ISOC1: variants seen among roughly 807,000 people sequenced by gnomAD.
The protein encoded by ISOC1 is isochorismatase domain-containing protein 1.
In ISOC1, 33 loss-of-function variants were observed where a neutral mutation model predicts 30.0. The ratio of observed to expected loss-of-function variants is 1.10; its 90% CI spans 0.83 to 1.47. ISOC1 has a LOEUF of 1.47. Among genes scored for constraint, ISOC1 ranks in the 40% most tolerant of loss-of-function variants. The probability of loss-of-function intolerance (pLI) is 0.00; values close to 1 mark genes in which losing one functional copy is unlikely to be tolerated. For synonymous variants in ISOC1, 178 were observed against 159.8 expected (o/e 1.11, Z -0.86); for missense variants, 372 against 388.0 (o/e 0.96, Z 0.35).
Position 129,108,510 on chromosome 5 carries a change from C to CTT in ISOC1, c.750+1461_750+1462dup, listed in dbSNP as rs561317009. Among the ~76,000 whole-genome samples the CTT allele has an allele frequency of 1.1e-3, 154 of 144,122 alleles. 2 individuals are homozygous for CTT. The highest frequency in any genetic ancestry group is 3.7e-3 in the African/African-American group (148 of 39,528). The allele number at this position is 144,122 out of a possible 152,430, so 94.5% of individuals were successfully genotyped here. A position where few individuals can be genotyped will look rare whatever the true frequency, so the allele number is the denominator to read the frequency against. On this transcript the variant is annotated intron_variant, in intron 4 of 4. Coordinates refer to ENST00000173527, the MANE Select transcript of ISOC1 (RefSeq NM_016048.2). ...CTCAACAAAGACCTTTAATCCATTT[C>CTT]TTTTTTTTTTTTTTGAGAGATGGAG...
chr5:129,111,643 G>A (rs1232965605), intron 4 of ISOC1, among the ~76,000 whole-genome samples: 1 of 151,816 alleles, frequency 6.6e-6, no homozygotes, highest in Non-Finnish European at 1.5e-5. Flanking sequence ...TGGGATTTCT[G>A]ATAACACATA....
intron 1 of ISOC1, among the ~76,000 whole-genome samples, chr5:129,096,055 T>C (rs1753496393): frequency 6.6e-6 from 1 of 152,232 alleles, no homozygotes; most frequent in Admixed American, 6.5e-5. Flanking sequence ...GTCATTTTCT[T>C]TCTTTTTTGT....
At position 129,105,275 on chromosome 5, in the gene ISOC1, A is replaced by T; in HGVS notation, c.520A>T (p.Thr174Ser). The change falls in exon 3 of 5, where the codon ACA (threonine) becomes TCA (serine). Residue 174 changes from threonine to serine, a missense_variant. Physicochemically the swap from Thr to Ser is moderately conservative, Grantham distance 58. Transcript: ENST00000173527. ...GAGCACGGTTCAAGAAATTGATTTA[A>T]CAGGTGTAAAACTGGTACTTCCAAA... is the stretch of plus-strand genomic sequence containing the variant. ...LGSTVQEIDL[T>S]GVKLVLPKTK... The T allele has an allele frequency of 6.2e-7, 1 of 1,613,900 alleles. No individual in the cohort carries two copies. The highest frequency in any genetic ancestry group is 8.5e-7 in the Non-Finnish European group (1 of 1,179,860).
At chr5:129,095,739 T>C (rs1056378462) in intron 1 of ISOC1, among the ~76,000 whole-genome samples, 1 of 152,232 alleles carries the variant, frequency 6.6e-6, no homozygotes, top group Non-Finnish European at 1.5e-5. Flanking sequence ...TGAATACAAA[T>C]ACCCAACTTA....
chr5:129,102,392 A>G (rs1753583708), intron 1 of ISOC1, among the ~76,000 whole-genome samples: 1 of 152,024 alleles, frequency 6.6e-6, no homozygotes, highest in Non-Finnish European at 1.5e-5. Flanking sequence ...TTAGGGCTGT[A>G]TTTTTGACCT....
chr5:129,106,873 A>C, intron 3 of ISOC1, 73 bp from the exon 4 acceptor site: 1 of 1,030,792 alleles, frequency 9.7e-7, no homozygotes, highest in Non-Finnish European at 1.5e-6. Flanking sequence ...CTGCTTTATC[A>C]TGTTGTTGTA....
rs183369213 is a variant in ISOC1, at chr5:129,107,261, C to T, written c.750+199C>T. 1.3e-4 allele frequency among the ~76,000 whole-genome samples: 20 copies of T among 152,250 alleles called. No individual in the cohort carries two copies. In the East Asian group the frequency reaches 3.9e-3, roughly 29 times the overall value. On this transcript the variant is annotated intron_variant, in intron 4 of 4. Coordinates refer to ENST00000173527, the MANE Select transcript of ISOC1 (RefSeq NM_016048.2). ...ATCCTATTTTATGTCTCGTTTCCTC[C>T]TTAGATCAAGGTTTCTAGCGTTGCC...
chr5:129,113,424 CT>C lies in ISOC1; in HGVS notation c.*427del, dbSNP rs1043051961. 3.9e-5 allele frequency: 6 copies of C among 154,784 alleles called. No individual in the cohort carries two copies. The highest frequency in any genetic ancestry group is 1.4e-4 in the African/African-American group (6 of 41,466). The allele number at this position is 154,784 out of a possible 1,614,324, so 9.6% of individuals were successfully genotyped here. A position where few individuals can be genotyped will look rare whatever the true frequency, so the allele number is the denominator to read the frequency against. On this transcript the variant is annotated 3_prime_UTR_variant, in exon 5 of 5. Transcript: ENST00000173527. ...TTATAATGTTAATGTGGATGTAGTG[CT>C]TTTACTTTACAGATTGATTGGAATA...
intron 3 of ISOC1, 110 bp from the exon 4 acceptor site, chr5:129,106,836 G>C: frequency 1.4e-6 from 1 of 704,744 alleles, no homozygotes; most frequent in Non-Finnish European, 2.5e-6. Context: ...GTAGAACAAG[G>C]TCCTTAGATG....
At position 129,113,082 on chromosome 5, in the gene ISOC1, T is replaced by C. The variant is rs1280825409; in HGVS notation, c.*81T>C. 7.5e-7 allele frequency: 1 copy of C among 1,326,062 alleles called. No homozygotes were observed. The highest frequency in any genetic ancestry group is 1.5e-5 in the African/African-American group (1 of 67,412). The allele number at this position is 1,326,062 out of a possible 1,614,324, so 82.1% of individuals were successfully genotyped here. On this transcript the variant is annotated 3_prime_UTR_variant, in exon 5 of 5. Transcript: ENST00000173527. ...TGTAAGCCCACACAAGCTCTTCTTA[T>C]CTCTACTAGAATTAAAATGTTAAGT...
chr5:129,111,326 G>T (rs1483776996), intron 4 of ISOC1, among the ~76,000 whole-genome samples: 2 of 151,752 alleles, frequency 1.3e-5, no homozygotes, highest in Non-Finnish European at 2.9e-5. Context: ...CTGGTTAGCT[G>T]CTCTGCACCC....
At chr5:129,102,725 G>T (rs935385868) in intron 1 of ISOC1, among the ~76,000 whole-genome samples, 1 of 152,098 alleles carries the variant, frequency 6.6e-6, no homozygotes, top group Non-Finnish European at 1.5e-5. Flanking sequence ...TTTGAGTTTT[G>T]ATCTGTTTTT....
rs748055598 is a variant in ISOC1, at chr5:129,094,799, C to T, written c.33C>T (p.Leu11=). 14 of 1,532,100 alleles carry T rather than the reference C, an allele frequency of 9.1e-6. 1 individual carries two copies. The South Asian group carries it at 1.6e-4, about 17-fold the overall frequency. The allele number at this position is 1,532,100 out of a possible 1,614,324, so 94.9% of individuals were successfully genotyped here. MAAAEPAVLA[L]PNSGAGGAGA... ...CTGCGGAGCCGGCGGTCCTTGCGCT[C>T]CCCAACAGCGGCGCCGGGGGCGCGG... Residue 11 remains leucine (L), a synonymous_variant, in exon 1 of 5, where the codon CTC becomes CTT. Transcript: ENST00000173527.
At chr5:129,096,299 A>G (rs1020019236) in intron 1 of ISOC1, among the ~76,000 whole-genome samples, 5 of 152,126 alleles carry the variant, frequency 3.3e-5, no homozygotes, top group African/African-American at 9.7e-5. Flanking sequence ...GCTTATTCCT[A>G]TTATCTGTGT....
At chr5:129,109,852 C>T (rs911525448) in intron 4 of ISOC1, among the ~76,000 whole-genome samples, 4 of 152,156 alleles carry the variant, frequency 2.6e-5, no homozygotes, top group African/African-American at 4.8e-5. Flanking sequence ...TAGAACATAA[C>T]TACTGAAGAT....
chr5:129,101,655 T>C (rs1753573810), intron 1 of ISOC1, among the ~76,000 whole-genome samples: 1 of 152,122 alleles, frequency 6.6e-6, no homozygotes, highest in Admixed American at 6.5e-5. Flanking sequence ...CATTTGATAT[T>C]CCTGCAGTAC....
chr5:129,102,422 T>G (rs954931554), intron 1 of ISOC1, among the ~76,000 whole-genome samples: 3 of 152,124 alleles, frequency 2.0e-5, no homozygotes, highest in African/African-American at 7.2e-5. Context: ...GTGTCTAATA[T>G]GACACATCTG....
chr5:129,111,259 T>G (rs1312463311), intron 4 of ISOC1, among the ~76,000 whole-genome samples: 1 of 151,790 alleles, frequency 6.6e-6, no homozygotes, highest in Non-Finnish European at 1.5e-5. Context: ...CCCCCATAAA[T>G]AGCTGCTGTT....
Position 129,112,835 on chromosome 5 carries a change from C to A in ISOC1, c.751-20C>A. 6.2e-7 allele frequency: 1 copy of A among 1,607,346 alleles called. No homozygotes were observed. Among genetic ancestry groups the A allele is most frequent in the South Asian group, 1.1e-5 (1 of 89,842 alleles). Reference sequence around the variant, plus strand: ...ATTCTCATGCTTATTTCTTGATTTGCCTTTATCTTTTTGTTCAAGCGTCTC... The same window carrying A: ...ATTCTCATGCTTATTTCTTGATTTGACTTTATCTTTTTGTTCAAGCGTCTC... On this transcript the variant is annotated intron_variant, in intron 4 of 4. Coordinates refer to ENST00000173527, the MANE Select transcript of ISOC1 (RefSeq NM_016048.2).
Sources: gnomAD v4.1 joint callset for allele counts (sites outside exome capture counted in the v4.1 genomes callset) on GRCh38, gnomAD v4.1.1 for gene constraint, MANE v1.5 for transcripts, NCBI Gene and HGNC (gene_info 2026-07-23, HGNC 2026-07-21) for gene names.